The following FOXN3 variants were observed in gnomAD, a reference collection of about 807,000 sequenced individuals.
FOXN3 encodes forkhead box protein N3.
A neutral mutation model predicts 38.4 loss-of-function variants in FOXN3; 7 were observed. The ratio of observed to expected loss-of-function variants is 0.18; its 90% CI spans 0.10 to 0.34. The LOEUF (loss-of-function observed/expected upper bound fraction) is 0.34. Among genes scored for constraint, FOXN3 ranks in the 10% least tolerant of loss-of-function variants. The pLI, the probability that FOXN3 is intolerant of heterozygous loss-of-function variation, is 1.00. For synonymous variants in FOXN3, 230 were observed against 242.2 expected, an observed-to-expected ratio of 0.95 and a Z score of 0.47; for missense variants, 456 against 613.4, an observed-to-expected ratio of 0.74 and a Z score of 2.71.
intron 1 of FOXN3, among the ~76,000 whole-genome samples, chr14:89,475,309 C>A (rs974059217): frequency 6.6e-6 from 1 of 152,080 alleles, no homozygotes; most frequent in African/African-American, 2.4e-5. Flanking sequence ...AGAAATAAAT[C>A]AAATGCTGTG....
At chr14:89,538,076 T>C (rs2139844856) in intron 1 of FOXN3, among the ~76,000 whole-genome samples, 1 of 152,368 alleles carries the variant, frequency 6.6e-6, no homozygotes, top group East Asian at 1.9e-4. Flanking sequence ...AATGGAACCC[T>C]AGTGATATAA....
At chr14:89,243,851 G>A (rs77165753) in intron 4 of FOXN3, among the ~76,000 whole-genome samples, 14,409 of 152,182 alleles carry the variant, frequency 0.095, 860 homozygotes, top group Middle Eastern at 0.14. Context: ...TCTAAACATA[G>A]CTGCGTCTGC....
chr14:89,464,843 G>A (rs567694003), intron 1 of FOXN3, among the ~76,000 whole-genome samples: 1 of 151,876 alleles, frequency 6.6e-6, no homozygotes, highest in South Asian at 2.1e-4. Flanking sequence ...GATTACAGCT[G>A]CCCACCACCA....
Position 89,561,714 on chromosome 14 carries a change from CA to C in FOXN3, c.-15+57313del, listed in dbSNP as rs1295339648. Among the ~76,000 whole-genome samples the C allele has an allele frequency of 5.3e-5, 8 of 152,060 alleles. 1 individual carries two copies. Among genetic ancestry groups the C allele is most frequent in the Admixed American group, 3.9e-4 (6 of 15,256 alleles). ...AGTGCGTGTGTAGGAAAAGGAGTTC[CA>C]GGGGGGTTATGTTAATTTACAATCA... On this transcript the variant is annotated intron_variant, in intron 1 of 6. Coordinates refer to the FOXN3 transcript ENST00000345097.
At chr14:89,613,214 T>C (rs1896430969) in intron 1 of FOXN3, among the ~76,000 whole-genome samples, 2 of 151,824 alleles carry the variant, frequency 1.3e-5, no homozygotes, top group Admixed American at 6.6e-5. Context: ...TGCTACTCTC[T>C]GAACCTTAAG....
chr14:89,469,157 T>A (rs1368476105), intron 1 of FOXN3, among the ~76,000 whole-genome samples: 1 of 152,206 alleles, frequency 6.6e-6, no homozygotes, highest in East Asian at 1.9e-4. Context: ...AGGGGTCCCC[T>A]AACTGGCTTC....
chr14:89,563,602 G>A (rs1383302317), intron 1 of FOXN3, among the ~76,000 whole-genome samples: 3 of 152,164 alleles, frequency 2.0e-5, no homozygotes, highest in African/African-American at 7.2e-5. Context: ...TGCGAGCCTT[G>A]GGGGAGTAGG....
chr14:89,199,406 A>G (rs1422970284), intron 4 of FOXN3, among the ~76,000 whole-genome samples: 1 of 152,260 alleles, frequency 6.6e-6, no homozygotes, highest in East Asian at 1.9e-4. Context: ...TTGGAGACGG[A>G]GAACACCAAG....
intron 4 of FOXN3, among the ~76,000 whole-genome samples, chr14:89,265,902 G>A (rs1251531018): frequency 3.3e-5 from 5 of 152,200 alleles, no homozygotes; most frequent in African/African-American, 1.2e-4. Context: ...TGACATTCAC[G>A]TTCCCTGGTA....
intron 4 of FOXN3, among the ~76,000 whole-genome samples, chr14:89,239,401 T>C (rs1885077472): frequency 6.6e-6 from 1 of 152,204 alleles, no homozygotes; most frequent in Admixed American, 6.5e-5. Flanking sequence ...TTTACATCTT[T>C]CCCATTTAGA....
chr14:89,311,642 G>A (rs751386935), intron 3 of FOXN3, among the ~76,000 whole-genome samples: 13 of 148,794 alleles, frequency 8.7e-5, no homozygotes, highest in South Asian at 2.1e-4. Context: ...CTGGCTAACC[G>A]GATGAAACCC....
chr14:89,536,146 C>T (rs1894680985), intron 1 of FOXN3, among the ~76,000 whole-genome samples: 1 of 152,146 alleles, frequency 6.6e-6, no homozygotes, highest in South Asian at 2.1e-4. Context: ...GAATGAAGCA[C>T]AGATGAAAAG....
At chr14:89,464,559 G>A (rs1244965998) in intron 1 of FOXN3, among the ~76,000 whole-genome samples, 1 of 152,054 alleles carries the variant, frequency 6.6e-6, no homozygotes. Flanking sequence ...TAATATCTGT[G>A]ATATGGTTTG....
chr14:89,224,393 C>T (rs749790998), intron 4 of FOXN3, among the ~76,000 whole-genome samples: 3 of 152,158 alleles, frequency 2.0e-5, no homozygotes, highest in Admixed American at 6.5e-5. Context: ...GAACACCTGT[C>T]AAAAGCCTAA....
intron 4 of FOXN3, among the ~76,000 whole-genome samples, chr14:89,275,679 T>C (rs1165890730): frequency 1.3e-5 from 2 of 152,210 alleles, no homozygotes. Context: ...GAAGGGGTGA[T>C]AAACGCTGTT....
rs959173724 is a variant in FOXN3 at position 89,158,159 on chromosome 14, C to A, written c.*4255G>T. 6.6e-6 allele frequency: 1 copy of A among 152,298 alleles called. No homozygotes were observed. The highest frequency in any genetic ancestry group is 1.5e-5 in the Non-Finnish European group (1 of 68,108). 9.4% of individuals were successfully genotyped at this position (152,298 alleles called of 1,614,324 possible). On this transcript the variant is annotated 3_prime_UTR_variant, in exon 6 of 6. Coordinates refer to ENST00000557258, the MANE Select transcript of FOXN3 (RefSeq NM_005197.4). ...TCCAGGAGAGGCCCAAGGCGCCCCC[C>A]ACAGAGTGGAATGAGTGGAACTTGC...
intron 1 of FOXN3, among the ~76,000 whole-genome samples, chr14:89,451,857 C>CG (rs970022966): frequency 1.1e-4 from 17 of 152,004 alleles, no homozygotes; most frequent in South Asian, 6.2e-4. Context: ...GCACTGGTAA[C>CG]GGGGGGCTGC....
intron 4 of FOXN3, among the ~76,000 whole-genome samples, chr14:89,207,169 C>T (rs913621969): frequency 6.6e-6 from 1 of 151,832 alleles, no homozygotes; most frequent in African/African-American, 2.4e-5. Flanking sequence ...TGCAGTGAGC[C>T]GAGACGCACC....
At chr14:89,233,033 C>T (rs955041884) in intron 4 of FOXN3, among the ~76,000 whole-genome samples, 1 of 152,224 alleles carries the variant, frequency 6.6e-6, no homozygotes, top group African/African-American at 2.4e-5. Context: ...AATGATCCCT[C>T]TCCATGTGTC....
Sources: gnomAD v4.1 joint callset for allele counts (sites outside exome capture counted in the v4.1 genomes callset) on GRCh38, gnomAD v4.1.1 for gene constraint, MANE v1.5 for transcripts, NCBI Gene and HGNC (gene_info 2026-07-23, HGNC 2026-07-21) for gene names.